KLHL11: variants seen among roughly 807,000 people sequenced by gnomAD.
KLHL11 encodes the protein kelch-like protein 11.
Under a neutral mutation model 56.1 loss-of-function variants are expected in KLHL11, and 26 were observed. The ratio of observed to expected loss-of-function variants is 0.46; its 90% CI spans 0.34 to 0.64. KLHL11 has a LOEUF of 0.64. KLHL11 is among the 30% of genes least tolerant of loss of function. KLHL11 has a pLI of 0.01. For synonymous variants in KLHL11, 338 were observed against 345.8 expected (o/e 0.98, Z 0.25); for missense variants, 627 against 919.4 (o/e 0.68, Z 4.11).
chr17:41,861,601 G>A (rs1555623059), intron 1 of KLHL11, among the ~76,000 whole-genome samples: 1 of 146,390 alleles, frequency 6.8e-6, no homozygotes, highest in Non-Finnish European at 1.5e-5. Context: ...CAGGAAAATC[G>A]CTTGAACCCG....
At chr17:41,859,368 AC>A (rs1419455645) in intron 1 of KLHL11, among the ~76,000 whole-genome samples, 4 of 152,100 alleles carry the variant, frequency 2.6e-5, no homozygotes, top group Non-Finnish European at 5.9e-5. Flanking sequence ...GTTCGAGACC[AC>A]CCTGGCCAAC....
At position 41,854,282 on chromosome 17, in the gene KLHL11, T is replaced by A. The variant is rs1392838590; in HGVS notation, c.1585A>T (p.Thr529Ser). The change falls in exon 2 of 2, where the codon ACA becomes TCA. Residue 529 changes from threonine to serine, a missense_variant. Thr to Ser is a moderately conservative substitution (Grantham distance 58, BLOSUM62 1). Around this residue, in one of 4 missense-constraint regions of KLHL11, gnomAD observed 250 missense variants for 360.6 expected, o/e 0.69. Coordinates refer to ENST00000319121, the MANE Select transcript of KLHL11 (RefSeq NM_018143.3). This position sits in a 1 kb window ranked among gnomAD's most constrained non-coding sequence, Gnocchi z 4.9. ...ACATCTTGCCACTGTCGAGTCTCTG[T>A]ATCATAGCAAGTAATTACAGCCTTT... ...GLKAVITCYD[T>S]ETRQWQDVES... 6.2e-7 allele frequency: 1 copy of A among 1,614,130 alleles called. No homozygotes were observed. The highest frequency in any genetic ancestry group is 1.3e-5 in the African/African-American group (1 of 74,952).
chr17:41,852,131 T>C lies in KLHL11; in HGVS notation c.*1609A>G, dbSNP rs976989623. 3.9e-5 allele frequency among the ~76,000 whole-genome samples: 6 copies of C among 152,034 alleles called. No individual in the cohort carries two copies. The highest frequency in any genetic ancestry group is 3.9e-4 in the Admixed American group (6 of 15,240). ...CCAGGCTCTGGTGATCCTCCCACCT[T>C]GGCTTCAAGTAGGAAGGACTACAGG... On this transcript the variant is annotated 3_prime_UTR_variant, in exon 2 of 2. Coordinates refer to ENST00000319121, the MANE Select transcript of KLHL11 (RefSeq NM_018143.3).
In KLHL11 at chr17:41,865,393, T is replaced by G; in HGVS notation, c.-23A>C. ...CATCTTGACGCCGCTGCGCCCGGCC[T>G]CCACAGCCTCGGAACGATGCGGCTG... On this transcript the variant is annotated 5_prime_UTR_variant, in exon 1 of 2. Transcript: ENST00000319121. 7.5e-7 allele frequency: 1 copy of G among 1,330,932 alleles called. No homozygotes were observed. The allele number at this position is 1,330,932 out of a possible 1,614,324, so 82.4% of individuals were successfully genotyped here. A position where few individuals can be genotyped will look rare whatever the true frequency, so the allele number is the denominator to read the frequency against.
At chr17:41,858,698 T>G (rs1452453496) in intron 1 of KLHL11, among the ~76,000 whole-genome samples, 5 of 152,176 alleles carry the variant, frequency 3.3e-5, no homozygotes, top group Non-Finnish European at 5.9e-5. Context: ...CCACCCAAAG[T>G]GCTGGGATTA....
At position 41,854,048 on chromosome 17, in the gene KLHL11, A is replaced by T. The variant is rs782347713; in HGVS notation, c.1819T>A (p.Tyr607Asn). 1 of 1,614,158 alleles carries T rather than the reference A, an allele frequency of 6.2e-7. No homozygotes were observed. The highest frequency in any genetic ancestry group is 8.5e-7 in the Non-Finnish European group (1 of 1,179,996). ...LSIEGAAICYYKDDVFIIGGW... is the reference protein window; with the variant it reads ...LSIEGAAICYNKDDVFIIGGW... The stretch of plus-strand genomic sequence containing the variant: ...CCTATAATGAAGACATCATCTTTGT[A>T]ATAGCAAATGGCTGCTCCTTCGATG... The change falls in exon 2 of 2, where the codon TAC (tyrosine) becomes AAC (asparagine). Residue 607 changes from tyrosine (Y) to asparagine (N), a missense_variant. This residue lies in a region of KLHL11 where 250 missense variants were observed against 360.6 expected (regional missense o/e 0.69). Transcript: ENST00000319121. This position sits in a 1 kb window ranked among gnomAD's most constrained non-coding sequence, Gnocchi z 4.9.
chr17:41,854,388 A>G lies in KLHL11; in HGVS notation c.1479T>C (p.Asp493=), dbSNP rs371942710. The change falls in exon 2 of 2, where the codon GAT becomes GAC. Residue 493 remains aspartate (D), a synonymous_variant. Coordinates refer to ENST00000319121, the MANE Select transcript of KLHL11 (RefSeq NM_018143.3). This position sits in a 1 kb window ranked among gnomAD's most constrained non-coding sequence, Gnocchi z 4.9. ...NLESAPKILR[D]VKALAIEDRF... ...GGTCTTCAATGGCTAGTGCTTTGAC[A>G]TCTCGAAGAATCTTTGGTGCCGATT... 2.8e-5 allele frequency: 46 copies of G among 1,614,164 alleles called. No individual in the cohort carries two copies. Among genetic ancestry groups the G allele is most frequent in the Non-Finnish European group, 3.8e-5 (45 of 1,180,032 alleles).
At position 41,852,240 on chromosome 17, in the gene KLHL11, C is replaced by G. The variant is rs1173414269; in HGVS notation, c.*1500G>C. 3.3e-5 allele frequency among the ~76,000 whole-genome samples: 5 copies of G among 151,918 alleles called. No individual in the cohort carries two copies. The highest frequency in any genetic ancestry group is 1.2e-4 in the African/African-American group (5 of 41,412). On this transcript the variant is annotated 3_prime_UTR_variant, in exon 2 of 2. Coordinates refer to ENST00000319121, the MANE Select transcript of KLHL11 (RefSeq NM_018143.3). ...CTATGTTTCCCAGGCTGGTCTTGAACTCTTGGGCTCAAAATCTGCCCACCT... is the reference window on the plus strand; with the variant it reads ...CTATGTTTCCCAGGCTGGTCTTGAAGTCTTGGGCTCAAAATCTGCCCACCT...
At chr17:41,861,190 G>A (rs545492754) in intron 1 of KLHL11, among the ~76,000 whole-genome samples, 1 of 152,272 alleles carries the variant, frequency 6.6e-6, no homozygotes, top group South Asian at 2.1e-4. Flanking sequence ...CTGCATAACA[G>A]GACAGCCTGT....
In KLHL11 at chr17:41,865,393, T is replaced by C; in HGVS notation, c.-23A>G. The stretch of plus-strand genomic sequence containing the variant: ...CATCTTGACGCCGCTGCGCCCGGCC[T>C]CCACAGCCTCGGAACGATGCGGCTG... On this transcript the variant is annotated 5_prime_UTR_variant, in exon 1 of 2. Coordinates refer to ENST00000319121, the MANE Select transcript of KLHL11 (RefSeq NM_018143.3). 7.5e-7 allele frequency: 1 copy of C among 1,330,932 alleles called. No homozygotes were observed. The allele number at this position is 1,330,932 out of a possible 1,614,324, so 82.4% of individuals were successfully genotyped here. A position where few individuals can be genotyped will look rare whatever the true frequency, so the allele number is the denominator to read the frequency against.
In KLHL11 at chr17:41,851,960, C is replaced by T. The variant is rs2144149149; in HGVS notation, c.*1780G>A. Reference sequence around the variant, plus strand: ...AATTTGAGTGCTAACTTTTATAAAGCTCAGGAGACATAAGATAATTCGAAT... The same window carrying T: ...AATTTGAGTGCTAACTTTTATAAAGTTCAGGAGACATAAGATAATTCGAAT... On this transcript the variant is annotated 3_prime_UTR_variant, in exon 2 of 2. Coordinates refer to ENST00000319121, the MANE Select transcript of KLHL11 (RefSeq NM_018143.3). Among the ~76,000 whole-genome samples, 1 of 151,560 alleles carries T rather than the reference C, an allele frequency of 6.6e-6. No individual in the cohort carries two copies. Among genetic ancestry groups the T allele is most frequent in the Admixed American group, 6.6e-5 (1 of 15,210 alleles).
At position 41,853,618 on chromosome 17, in the gene KLHL11, A is replaced by G; in HGVS notation, c.*122T>C. The G allele has an allele frequency of 1.8e-6, 2 of 1,137,730 alleles. No individual in the cohort carries two copies. The highest frequency in any genetic ancestry group is 1.5e-5 in the African/African-American group (1 of 64,608). The allele number at this position is 1,137,730 out of a possible 1,614,324, so 70.5% of individuals were successfully genotyped here. A position where few individuals can be genotyped will look rare whatever the true frequency, so the allele number is the denominator to read the frequency against. ...TAGTTTTTAACTCTATTTCCTTTAT[A>G]TGGGGTAATAATCAGTTCATGTAGA... On this transcript the variant is annotated 3_prime_UTR_variant, in exon 2 of 2. Transcript: ENST00000319121.
Position 41,854,656 on chromosome 17 carries a change from ACTGCAACAG to A in KLHL11, c.1202_1210del (p.Ala401_Ala403del). 1 of 1,614,182 alleles carries A rather than the reference ACTGCAACAG, an allele frequency of 6.2e-7. No homozygotes were observed. Among genetic ancestry groups the A allele is most frequent in the Non-Finnish European group, 8.5e-7 (1 of 1,180,030 alleles). Reference sequence around the variant, plus strand: ...AGCAACATACACGTAGGATTCTGTTACTGCAACAGCATGTCCATCGAGGTGATTATGAAT... The same window carrying A: ...AGCAACATACACGTAGGATTCTGTTACATGTCCATCGAGGTGATTATGAAT... On this transcript the variant is annotated inframe_deletion, in exon 2 of 2. Coordinates refer to ENST00000319121, the MANE Select transcript of KLHL11 (RefSeq NM_018143.3). This position sits in a 1 kb window ranked among gnomAD's most constrained non-coding sequence, Gnocchi z 4.9.
chr17:41,858,098 G>GT (rs2048377569), intron 1 of KLHL11, among the ~76,000 whole-genome samples: 1 of 152,018 alleles, frequency 6.6e-6, no homozygotes, highest in East Asian at 1.9e-4. Flanking sequence ...GGTTACAGGC[G>GT]TGAGCCACCA....
In KLHL11 at chr17:41,849,802, C is replaced by T. The variant is rs1426443733; in HGVS notation, c.*3938G>A. 6.6e-6 allele frequency: 1 copy of T among 152,044 alleles called. No homozygotes were observed. Among genetic ancestry groups the T allele is most frequent in the African/African-American group, 2.4e-5 (1 of 41,410 alleles). The allele number at this position is 152,044 out of a possible 1,614,324, so 9.4% of individuals were successfully genotyped here. On this transcript the variant is annotated 3_prime_UTR_variant, in exon 2 of 2. Transcript: ENST00000319121. Reference sequence around the variant, plus strand: ...TCATGACTGACATTCTCAATATATACCACTGATTTTTTTAAGCCATGGTGG... The same window carrying T: ...TCATGACTGACATTCTCAATATATATCACTGATTTTTTTAAGCCATGGTGG...
intron 1 of KLHL11, among the ~76,000 whole-genome samples, chr17:41,858,743 A>AT (rs573182832): frequency 6.1e-4 from 90 of 146,890 alleles, no homozygotes; most frequent in South Asian, 1.3e-3. Context: ...CACCCAGATA[A>AT]TTTTTTTTTT....
intron 1 of KLHL11, among the ~76,000 whole-genome samples, chr17:41,857,240 C>T (rs1345982812): frequency 2.6e-5 from 4 of 151,916 alleles, no homozygotes; most frequent in South Asian, 2.1e-4. Context: ...GGCGCAGTGG[C>T]TCACGCCTGT....
At chr17:41,863,513 GCA>G (rs1461953231) in intron 1 of KLHL11, among the ~76,000 whole-genome samples, 10 of 152,038 alleles carry the variant, frequency 6.6e-5, no homozygotes, top group Non-Finnish European at 1.0e-4. Flanking sequence ...CCTTTTTTCA[GCA>G]CAGCACTATT....
chr17:41,848,612 T>G lies in KLHL11; in HGVS notation c.*5128A>C, dbSNP rs2048313820. On this transcript the variant is annotated 3_prime_UTR_variant, in exon 2 of 2. Transcript: ENST00000319121. ...TTCAGGAACATAAAACAAGCTATTT[T>G]ACAATGTCATGTCTCAAGGTGTTCT... 1 of 286,568 alleles carries G rather than the reference T, an allele frequency of 3.5e-6. No individual in the cohort carries two copies. Among genetic ancestry groups the G allele is most frequent in the Non-Finnish European group, 6.6e-6 (1 of 150,728 alleles). 17.8% of individuals were successfully genotyped at this position (286,568 alleles called of 1,614,324 possible). A position where few individuals can be genotyped will look rare whatever the true frequency, so the allele number is the denominator to read the frequency against.
Sources: allele counts gnomAD v4.1 joint callset (sites outside exome capture counted in the v4.1 genomes callset), GRCh38; gene constraint gnomAD v4.1.1; regional missense constraint gnomAD v4.1.1; non-coding constraint Gnocchi (gnomAD v3.1); transcripts MANE v1.5; gene names NCBI Gene and HGNC (gene_info 2026-07-23, HGNC 2026-07-21).